Variants in THBS4 observed in about 807,000 individuals in gnomAD.
THBS4 encodes thrombospondin-4.
Under a neutral mutation model 115.7 loss-of-function variants are expected in THBS4, and 90 were observed. The observed-to-expected ratio is 0.78, with a 90% CI of 0.66 to 0.93. The LOEUF (loss-of-function observed/expected upper bound fraction) is 0.93. Ranked by LOEUF, THBS4 falls within the 40% of genes least tolerant of loss-of-function variation. The pLI is 0.00. For missense variants in THBS4, 1,087 were observed against 1,232.7 expected (o/e 0.88, Z 1.77); for synonymous variants, 460 against 479.3 (o/e 0.96, Z 0.53).
Position 80,068,025 on chromosome 5 carries a change from G to A in THBS4, c.1247G>A (p.Arg416Lys), listed in dbSNP as rs753208640. The change falls in exon 10 of 22, where the codon AGG becomes AAG. Residue 416 changes from arginine (R) to lysine (K), a missense_variant. By Grantham distance (26) the Arg-to-Lys change is conservative. This residue lies in a region of THBS4 where 979 missense variants were observed against 1,103.7 expected (regional missense o/e 0.89). Coordinates refer to ENST00000350881, the MANE Select transcript of THBS4 (RefSeq NM_003248.6). Reference protein sequence around the residue: ...CKPGYTGDQIRGCKAERNCRN... With the variant: ...CKPGYTGDQIKGCKAERNCRN... ...CCGGGGTATACTGGTGATCAGATAA[G>A]GGGATGCAAAGCGGAAAGAAACTGC... The A allele has an allele frequency of 2.5e-6, 4 of 1,614,224 alleles. No homozygotes were observed. The African/African-American group carries it at 4.0e-5, about 16-fold the overall frequency.
At chr5:80,070,805 GA>G in intron 12 of THBS4, 55 bp downstream of exon 12, 1 of 1,592,310 alleles carries the variant, frequency 6.3e-7, no homozygotes, top group Non-Finnish European at 8.6e-7. Flanking sequence ...GATGATGGGA[GA>G]AAGCCTGTGA....
Position 80,035,704 on chromosome 5 carries a change from G to T in THBS4, c.88+79G>T, listed in dbSNP as rs1832698544. 11 of 1,048,014 alleles carry T rather than the reference G, an allele frequency of 1.0e-5. No homozygotes were observed. Among genetic ancestry groups the T allele is most frequent in the Non-Finnish European group, 1.4e-5 (11 of 807,966 alleles). The allele number at this position is 1,048,014 out of a possible 1,614,324, so 64.9% of individuals were successfully genotyped here. A position where few individuals can be genotyped will look rare whatever the true frequency, so the allele number is the denominator to read the frequency against. The stretch of plus-strand genomic sequence containing the variant: ...CTGAGTGAGTGGAGGGACTTGCTCG[G>T]CCCTGTGCTCCTGTGGCCTTGCTCA... On this transcript the variant is annotated intron_variant, in intron 1 of 21. Transcript: ENST00000350881. The surrounding 1 kb of genome is among the most constrained non-coding windows in gnomAD (Gnocchi z 4.6).
intron 1 of THBS4, among the ~76,000 whole-genome samples, chr5:79,996,124 G>T (rs1157622859): frequency 1.3e-5 from 2 of 151,894 alleles, no homozygotes; most frequent in African/African-American, 2.4e-5. Flanking sequence ...GCAACAGAGT[G>T]ACTCTGTCAC....
chr5:80,080,205 G>C (rs1743419223), intron 20 of THBS4, 128 bp downstream of exon 20: 1 of 1,140,904 alleles, frequency 8.8e-7, no homozygotes, highest in Non-Finnish European at 1.2e-6. Context: ...CAGGACTTTT[G>C]TGACCGCAGG....
upstream of THBS4, among the ~76,000 whole-genome samples, chr5:80,030,471 G>A (rs969382696): frequency 2.0e-5 from 3 of 152,004 alleles, no homozygotes; most frequent in Non-Finnish European, 4.4e-5. Context: ...GGGTTCAAGC[G>A]ATTCTCCTGC....
intron 2 of THBS4, among the ~76,000 whole-genome samples, chr5:80,054,159 C>CCT (rs1833344433): frequency 1.1e-5 from 1 of 88,584 alleles, no homozygotes; most frequent in African/African-American, 3.7e-5. Flanking sequence ...CTTTTCTTTT[C>CCT]TTTTTTTTTT....
At position 80,077,068 on chromosome 5, in the gene THBS4, A is replaced by G; in HGVS notation, c.2086+20A>G. ...GCAACAGTAAGCAGGCTCAGCCCAG[A>G]GCTGCACAGCACCCCTGGGCTCCCT... On this transcript the variant is annotated intron_variant, in intron 16 of 21. Coordinates refer to ENST00000350881, the MANE Select transcript of THBS4 (RefSeq NM_003248.6). 1 of 1,565,752 alleles carries G rather than the reference A, an allele frequency of 6.4e-7. No individual in the cohort carries two copies. The highest frequency in any genetic ancestry group is 8.7e-7 in the Non-Finnish European group (1 of 1,155,390).
At chr5:80,030,846 T>A (rs1832573102), upstream of THBS4, among the ~76,000 whole-genome samples, 1 of 152,322 alleles carries the variant, frequency 6.6e-6, no homozygotes, top group Admixed American at 6.5e-5. Context: ...TATCCATTTC[T>A]GTTTCCTTCA....
At chr5:80,069,147 AC>A (rs1272241671) in intron 10 of THBS4, among the ~76,000 whole-genome samples, 1 of 152,152 alleles carries the variant, frequency 6.6e-6, no homozygotes, top group Non-Finnish European at 1.5e-5. Context: ...CACAGTGATC[AC>A]CCCTGAGTAG....
intron 2 of THBS4, among the ~76,000 whole-genome samples, chr5:80,001,813 G>A (rs2151150117): frequency 6.6e-6 from 1 of 152,294 alleles, no homozygotes; most frequent in Middle Eastern, 3.4e-3. Flanking sequence ...GGAATTTGGA[G>A]TTGGAGGCAC....
intron 7 of THBS4, among the ~76,000 whole-genome samples, chr5:80,060,170 G>C (rs556644498): frequency 1.3e-5 from 2 of 152,160 alleles, no homozygotes; most frequent in African/African-American, 4.8e-5. Flanking sequence ...TGCTTTACAC[G>C]CTGACATTTG....
At chr5:80,038,196 A>T (rs1356107157) in intron 1 of THBS4, among the ~76,000 whole-genome samples, 4 of 152,202 alleles carry the variant, frequency 2.6e-5, no homozygotes, top group African/African-American at 9.6e-5. Context: ...GAAATTTAAA[A>T]CTTATATTTA....
intron 15 of THBS4, chr5:80,074,382 C>T (rs542451295): frequency 3.9e-5 from 6 of 152,392 alleles, no homozygotes; most frequent in African/African-American, 1.4e-4. Flanking sequence ...TCACCAAAAA[C>T]AGACGTGTGT....
intron 3 of THBS4, among the ~76,000 whole-genome samples, chr5:80,057,851 G>T (rs1393422099): frequency 6.6e-6 from 1 of 152,118 alleles, no homozygotes. Context: ...TAAAATTGGG[G>T]TTAACACCTT....
At position 80,035,598 on chromosome 5, in the gene THBS4, G is replaced by T; in HGVS notation, c.61G>T (p.Ala21Ser). Residue 21 changes from alanine (A) to serine (S), a missense_variant, in exon 1 of 22, where the codon GCG becomes TCG. By Grantham distance (99) the Ala-to-Ser change is moderately conservative. Transcript: ENST00000350881. The surrounding 1 kb of genome is among the most constrained non-coding windows in gnomAD (Gnocchi z 4.6). ...GCACCTGGTCCTGCAGCGGTGGCTA[G>T]CGGCAGGCGCCCAGGCCACCCCCCA... ...LLHLVLQRWL[A>S]AGAQATPQVF... 2 of 1,420,108 alleles carry T rather than the reference G, an allele frequency of 1.4e-6. No individual in the cohort carries two copies. Among genetic ancestry groups the T allele is most frequent in the Non-Finnish European group, 9.2e-7 (1 of 1,086,040 alleles). The allele number at this position is 1,420,108 out of a possible 1,614,324, so 88.0% of individuals were successfully genotyped here.
intron 1 of THBS4, among the ~76,000 whole-genome samples, chr5:79,992,079 T>A (rs1237766729): frequency 6.6e-6 from 1 of 152,214 alleles, no homozygotes; most frequent in Non-Finnish European, 1.5e-5. Flanking sequence ...GGCTCTGCAT[T>A]TTTATTTTGG....
In THBS4 at chr5:80,055,653, C is replaced by T; in HGVS notation, c.293-132C>T. 3 of 1,291,692 alleles carry T rather than the reference C, an allele frequency of 2.3e-6. No homozygotes were observed. The South Asian group carries it at 4.4e-5, about 19-fold the overall frequency. The allele number at this position is 1,291,692 out of a possible 1,614,324, so 80.0% of individuals were successfully genotyped here. ...AATATTTGTGGTTATTTCTCACTCA[C>T]ATTCCGTCCAGCAACCCAGTCTTGT... On this transcript the variant is annotated intron_variant, in intron 2 of 21. Transcript: ENST00000350881.
At chr5:80,042,115 T>TG (rs758157935) in intron 2 of THBS4, among the ~76,000 whole-genome samples, 1 of 152,068 alleles carries the variant, frequency 6.6e-6, no homozygotes, top group Non-Finnish European at 1.5e-5. Flanking sequence ...CTTGAGGAGG[T>TG]GTCAGATAAT....
At chr5:80,056,870 C>T (rs1165062804) in intron 3 of THBS4, among the ~76,000 whole-genome samples, 4 of 152,188 alleles carry the variant, frequency 2.6e-5, no homozygotes, top group Non-Finnish European at 5.9e-5. Context: ...TAGTTACAAG[C>T]TACTCTGAGC....
Sources: allele counts gnomAD v4.1 joint callset (sites outside exome capture counted in the v4.1 genomes callset), GRCh38; gene constraint gnomAD v4.1.1; regional missense constraint gnomAD v4.1.1; non-coding constraint Gnocchi (gnomAD v3.1); transcripts MANE v1.5; gene names NCBI Gene and HGNC (gene_info 2026-07-23, HGNC 2026-07-21).